Variants in PKHD1 observed in about 807,000 individuals in gnomAD.
PKHD1 encodes fibrocystin.
In PKHD1, 291 loss-of-function variants were observed where a neutral mutation model predicts 412.0. That is an observed-to-expected ratio of 0.71 (90% CI 0.64 to 0.78). The LOEUF is 0.78. PKHD1 is among the 30% of genes least tolerant of loss of function. PKHD1 has a pLI of 0.00. For synonymous variants in PKHD1, 1,777 were observed against 1,821.5 expected (o/e 0.98, Z 0.62); for missense variants, 4,825 against 4,950.7 (o/e 0.97, Z 0.76).
In PKHD1 at chr6:51,748,482, C is replaced by T; in HGVS notation, c.9134G>A (p.Gly3045Asp). Reference protein sequence around the residue: ...GVLLNDNIVFGTAGHGIDLEG... With the variant: ...GVLLNDNIVFDTAGHGIDLEG... ...TAAATCTATGCCATGGCCAGCTGTG[C>T]CAAACACAATATTGTCATTTAAAAG... The change falls in exon 58 of 67, where the codon GGC becomes GAC. Residue 3045 changes from glycine (G) to aspartate (D), a missense_variant. Coordinates refer to ENST00000371117, the MANE Select transcript of PKHD1 (RefSeq NM_138694.4). 1 of 1,613,864 alleles carries T rather than the reference C, an allele frequency of 6.2e-7. No individual in the cohort carries two copies. The highest frequency in any genetic ancestry group is 8.5e-7 in the Non-Finnish European group (1 of 1,179,870).
rs142458434 is a variant in PKHD1, at chr6:51,650,410, T to C, written c.11175-1190A>G. Among the ~76,000 whole-genome samples, 705 of 152,118 alleles carry C rather than the reference T, an allele frequency of 4.6e-3. 7 individuals are homozygous for C. Among genetic ancestry groups the C allele is most frequent in the African/African-American group, 0.016 (668 of 41,560 alleles). On this transcript the variant is annotated intron_variant, in intron 61 of 66. Transcript: ENST00000371117. The stretch of plus-strand genomic sequence containing the variant: ...ACATAGAGCAACCCTTGGTGAGTTA[T>C]CCTCAATAGCCTAGGCCAGGTCTCA...
At chr6:51,886,099 C>T in intron 44 of PKHD1, 127 bp from the exon 45 acceptor site, 3 of 718,958 alleles carry the variant, frequency 4.2e-6, no homozygotes, top group South Asian at 3.1e-5. Context: ...ATCTGTGACC[C>T]TCCCCCTAAC....
chr6:51,947,420 A>G (rs950576001), intron 36 of PKHD1, among the ~76,000 whole-genome samples: 2 of 152,240 alleles, frequency 1.3e-5, no homozygotes, highest in Admixed American at 6.5e-5. Flanking sequence ...CTCATAAAAG[A>G]ACAGAAGAAT....
chr6:51,717,833 AGAG>A (rs1781459906), intron 60 of PKHD1, among the ~76,000 whole-genome samples: 1 of 152,228 alleles, frequency 6.6e-6, no homozygotes, highest in Non-Finnish European at 1.5e-5. Context: ...AAATAGTGTT[AGAG>A]AAGAAGGTAG....
At chr6:52,072,524 G>C (rs1249995392) in intron 7 of PKHD1, among the ~76,000 whole-genome samples, 1 of 152,148 alleles carries the variant, frequency 6.6e-6, no homozygotes, top group Non-Finnish European at 1.5e-5. Flanking sequence ...CCAGACCAAG[G>C]CTGAGATGGG....
chr6:51,899,028 C>T (rs1203864466), intron 43 of PKHD1, among the ~76,000 whole-genome samples: 2 of 152,162 alleles, frequency 1.3e-5, no homozygotes, highest in African/African-American at 2.4e-5. Flanking sequence ...TAATCAATAG[C>T]TTACCAACCA....
intron 36 of PKHD1, among the ~76,000 whole-genome samples, chr6:51,955,282 A>G (rs1790947590): frequency 6.6e-6 from 1 of 152,006 alleles, no homozygotes; most frequent in African/African-American, 2.4e-5. Flanking sequence ...ATCTTTTTCT[A>G]ATTAAAATAA....
At chr6:51,918,716 G>T (rs1583363599) in intron 37 of PKHD1, among the ~76,000 whole-genome samples, 1 of 152,286 alleles carries the variant, frequency 6.6e-6, no homozygotes, top group Non-Finnish European at 1.5e-5. Context: ...ACCCAGTAAT[G>T]GGATTGCTGG....
chr6:52,003,813 T>C (rs1462954817), intron 35 of PKHD1, among the ~76,000 whole-genome samples: 1 of 152,238 alleles, frequency 6.6e-6, no homozygotes, highest in African/African-American at 2.4e-5. Flanking sequence ...CTTTTCAAGA[T>C]AGTTTTGGCT....
chr6:52,058,257 C>T, intron 16 of PKHD1, 66 bp downstream of exon 16: 1 of 1,542,270 alleles, frequency 6.5e-7, no homozygotes, highest in Non-Finnish European at 9.0e-7. Flanking sequence ...CCAGTCAGTG[C>T]TCCTGCTACA....
At chr6:51,697,199 T>C (rs1778906008) in intron 60 of PKHD1, among the ~76,000 whole-genome samples, 1 of 151,844 alleles carries the variant, frequency 6.6e-6, no homozygotes, top group African/African-American at 2.4e-5. Context: ...AATAAATAAA[T>C]AAATAAATAT....
chr6:51,923,055 C>T (rs1050435695), intron 37 of PKHD1, among the ~76,000 whole-genome samples: 7 of 152,126 alleles, frequency 4.6e-5, no homozygotes, highest in Admixed American at 1.3e-4. Context: ...TGGAGTTGTT[C>T]CTATTCAGCC....
chr6:51,846,786 A>C (rs768619695), intron 50 of PKHD1, among the ~76,000 whole-genome samples: 47 of 152,094 alleles, frequency 3.1e-4, no homozygotes, highest in Non-Finnish European at 6.5e-4. Flanking sequence ...TGCTCATATC[A>C]GCCCTCCATG....
intron 57 of PKHD1, among the ~76,000 whole-genome samples, chr6:51,750,293 A>C (rs1785883606): frequency 6.6e-6 from 1 of 152,190 alleles, no homozygotes; most frequent in African/African-American, 2.4e-5. Context: ...TTCTTGGGCA[A>C]TATCCCTCAC....
In PKHD1 at chr6:52,006,172, TTA is replaced by T. The variant is rs147639455; in HGVS notation, c.5751+4135_5751+4136del. Among the ~76,000 whole-genome samples the T allele has an allele frequency of 2.8e-4, 42 of 149,204 alleles. No individual in the cohort carries two copies. In the South Asian group the frequency reaches 6.0e-3, roughly 21 times the overall value. On this transcript the variant is annotated intron_variant, in intron 35 of 66. Transcript: ENST00000371117. ...CCCTCCCATCTAGGTCACTAAAAAATTATATATATATATATATTTTAGACGGA... is the reference window on the plus strand; with the variant it reads ...CCCTCCCATCTAGGTCACTAAAAAATTATATATATATATATTTTAGACGGA...
chr6:52,075,563 C>G (rs1811223630), intron 6 of PKHD1, among the ~76,000 whole-genome samples: 1 of 152,184 alleles, frequency 6.6e-6, no homozygotes, highest in Non-Finnish European at 1.5e-5. Context: ...GTTGCAATCC[C>G]TTCTTTTATG....
At chr6:51,836,617 A>G in intron 50 of PKHD1, 148 bp from the exon 51 acceptor site, 1 of 669,080 alleles carries the variant, frequency 1.5e-6, no homozygotes, top group Non-Finnish European at 2.7e-6. Context: ...AGTTAATCTA[A>G]CAATTGATTT....
At chr6:51,666,791 A>G (rs1233257692) in intron 60 of PKHD1, among the ~76,000 whole-genome samples, 2 of 149,442 alleles carry the variant, frequency 1.3e-5, no homozygotes, top group African/African-American at 2.5e-5. Context: ...GAGAATATGC[A>G]GTGTTTGGTT....
chr6:52,018,701 G>T (rs1800932787), intron 33 of PKHD1, among the ~76,000 whole-genome samples: 1 of 152,140 alleles, frequency 6.6e-6, no homozygotes, highest in Non-Finnish European at 1.5e-5. Context: ...TTTTAGCAGA[G>T]AGAGGGTTTC....
Sources: allele counts gnomAD v4.1 joint callset (sites outside exome capture counted in the v4.1 genomes callset), GRCh38; gene constraint gnomAD v4.1.1; transcripts MANE v1.5; gene names NCBI Gene and HGNC (gene_info 2026-07-23, HGNC 2026-07-21).